CHD5: variants seen among roughly 807,000 people sequenced by gnomAD.
The protein encoded by CHD5 is chromodomain helicase DNA binding protein 5.
Under a neutral mutation model 230.3 loss-of-function variants are expected in CHD5, and 69 were observed. That is an observed-to-expected ratio of 0.30 (90% CI 0.25 to 0.37). The LOEUF is 0.37. Ranked by LOEUF, CHD5 falls within the 10% of genes least tolerant of loss-of-function variation. The pLI is 1.00. For missense variants in CHD5, 1,827 were observed against 2,622.8 expected, an observed-to-expected ratio of 0.70 and a Z score of 6.63; for synonymous variants, 1,064 against 1,065.9, an observed-to-expected ratio of 1.00 and a Z score of 0.03.
chr1:6,179,712 C>G (rs1229327367), intron 1 of CHD5, among the ~76,000 whole-genome samples: 1 of 145,270 alleles, frequency 6.9e-6, no homozygotes, highest in African/African-American at 2.5e-5. Flanking sequence ...GCCCGGGGGG[C>G]CCGGATCGCA....
intron 1 of CHD5, among the ~76,000 whole-genome samples, chr1:6,179,423 C>T (rs977888922): frequency 1.8e-4 from 28 of 152,312 alleles, no homozygotes; most frequent in African/African-American, 6.3e-4. Context: ...GCCGCCCCAT[C>T]CTGGGCGCTC....
chr1:6,122,580 T>A (rs960583624), intron 31 of CHD5, among the ~76,000 whole-genome samples: 1 of 152,132 alleles, frequency 6.6e-6, no homozygotes, highest in Non-Finnish European at 1.5e-5. Context: ...AGTCTAGTAG[T>A]TTCTCAAAAG....
At position 6,174,032 on chromosome 1, in the gene CHD5, C is replaced by G. The variant is rs574171870; in HGVS notation, c.80-5755G>C. On this transcript the variant is annotated intron_variant, in intron 1 of 41. Transcript: ENST00000262450. The stretch of plus-strand genomic sequence containing the variant: ...AGGCATTTACCCCAAGTGACTGGGG[C>G]CTGGGGGGAGTCACCCTGGGGGTGC... Among the ~76,000 whole-genome samples the G allele has an allele frequency of 9.9e-5, 15 of 151,958 alleles. No individual in the cohort carries two copies. In the East Asian group the frequency reaches 2.7e-3, roughly 27 times the overall value.
chr1:6,172,533 G>C (rs536392164), intron 1 of CHD5, among the ~76,000 whole-genome samples: 17 of 152,180 alleles, frequency 1.1e-4, no homozygotes, highest in Admixed American at 2.0e-4. Flanking sequence ...GGAAACTGAG[G>C]CTCAAAGGAC....
At chr1:6,178,714 A>C (rs1667462976) in intron 1 of CHD5, among the ~76,000 whole-genome samples, 1 of 152,078 alleles carries the variant, frequency 6.6e-6, no homozygotes, top group South Asian at 2.1e-4. Flanking sequence ...CTCCTGTAGG[A>C]GCTCAGTGAC....
At position 6,159,515 on chromosome 1, in the gene CHD5, C is replaced by A; in HGVS notation, c.208G>T (p.Gly70Trp). 1 of 1,595,744 alleles carries A rather than the reference C, an allele frequency of 6.3e-7. No individual in the cohort carries two copies. The highest frequency in any genetic ancestry group is 8.6e-7 in the Non-Finnish European group (1 of 1,169,028). ...TTCTCTGATAGCTCATCATTGCTCC[C>A]CTGGAAAAGAAGGGGGACAGTGAGG... ...KCKGKRKKKE[G>W]SNDELSENEE... The change falls in exon 3 of 42, where the codon GGG (glycine) becomes TGG (tryptophan). Residue 70 changes from glycine to tryptophan, a missense_variant and splice_region_variant. Around this residue, in one of 14 missense-constraint regions of CHD5, gnomAD observed 113 missense variants for 91.9 expected, o/e 1.23. Coordinates refer to ENST00000262450, the MANE Select transcript of CHD5 (RefSeq NM_015557.3).
chr1:6,113,446 A>G (rs977863488), intron 33 of CHD5: 1 of 301,810 alleles, frequency 3.3e-6, no homozygotes, highest in African/African-American at 2.2e-5. Flanking sequence ...CACACAGAAG[A>G]TGAGTTCCCA....
intron 15 of CHD5, 48 bp from the exon 16 acceptor site, chr1:6,136,913 G>C: frequency 1.3e-6 from 2 of 1,549,706 alleles, no homozygotes; most frequent in Non-Finnish European, 1.7e-6. Context: ...GAGCAGAGCG[G>C]ATCACAGTCC....
intron 38 of CHD5, among the ~76,000 whole-genome samples, chr1:6,107,437 T>C (rs1194856367): frequency 3.7e-5 from 4 of 106,788 alleles, no homozygotes; most frequent in African/African-American, 1.6e-4. Context: ...GATGGAGGAA[T>C]GAAGGGATGA....
At chr1:6,113,994 A>G (rs976754464) in intron 33 of CHD5, among the ~76,000 whole-genome samples, 3 of 152,204 alleles carry the variant, frequency 2.0e-5, no homozygotes, top group Non-Finnish European at 4.4e-5. Context: ...TCACGCCTGT[A>G]ATCCTAGCAC....
Position 6,136,561 on chromosome 1 carries a change from C to T in CHD5, c.2652G>A (p.Glu884=), listed in dbSNP as rs1253589056. The T allele has an allele frequency of 1.9e-6, 3 of 1,614,030 alleles. No homozygotes were observed. Among genetic ancestry groups the T allele is most frequent in the Non-Finnish European group, 2.5e-6 (3 of 1,180,052 alleles). Residue 884 remains glutamate, a synonymous_variant, in exon 17 of 42, where the codon GAG becomes GAA. Transcript: ENST00000262450. Reference sequence around the variant, plus strand: ...GGAAGTTGAGGAGATGGAACAGCTCCTCCAGGTTGTTCTGAAGGGGGGTCC... The same window carrying T: ...GGAAGTTGAGGAGATGGAACAGCTCTTCCAGGTTGTTCTGAAGGGGGGTCC... ...LTGTPLQNNL[E]ELFHLLNFLT... is the part of the protein sequence containing the mutation.
At chr1:6,107,057 G>A (rs1183591126) in intron 38 of CHD5, among the ~76,000 whole-genome samples, 1 of 143,566 alleles carries the variant, frequency 7.0e-6, no homozygotes, top group Admixed American at 6.8e-5. Context: ...GAGGAATGAT[G>A]GAGCGATGGA....
At chr1:6,107,153 AGATGGAGG>A (rs1222200805) in intron 38 of CHD5, among the ~76,000 whole-genome samples, 1 of 113,950 alleles carries the variant, frequency 8.8e-6, no homozygotes, top group African/African-American at 3.4e-5. Flanking sequence ...AATGGAGCGA[AGATGGAGG>A]GATGGAGGGA....
intron 15 of CHD5, among the ~76,000 whole-genome samples, chr1:6,141,289 A>AAAT (rs1236736880): frequency 2.0e-5 from 3 of 149,558 alleles, no homozygotes; most frequent in African/African-American, 7.3e-5. Flanking sequence ...CGTCTCAAAA[A>AAAT]AATAATAATA....
At chr1:6,161,313 G>A (rs562664174) in intron 2 of CHD5, among the ~76,000 whole-genome samples, 17 of 152,252 alleles carry the variant, frequency 1.1e-4, no homozygotes, top group East Asian at 7.8e-4. Flanking sequence ...CCAACAGTTC[G>A]TGGAGGGGGA....
Position 6,106,469 on chromosome 1 carries a change from C to T in CHD5, c.5783G>A (p.Gly1928Glu), listed in dbSNP as rs1392975056. The stretch of plus-strand genomic sequence containing the variant: ...CGGTCCAGGGCCCCGGAAGTTGGGC[C>T]CAAAGTTGTTGCTGTACATCTGGGA... ...GSSQMYSNNFGPNFRGPGPGG... is the reference protein window; with the variant it reads ...GSSQMYSNNFEPNFRGPGPGG... The change falls in exon 40 of 42, where the codon GGG (glycine) becomes GAG (glutamate). Residue 1928 changes from glycine to glutamate, a missense_variant. This residue lies in a region of CHD5 where 208 missense variants were observed against 302.0 expected (regional missense o/e 0.69). Transcript: ENST00000262450. The T allele has an allele frequency of 6.4e-7, 1 of 1,558,508 alleles. No individual in the cohort carries two copies. The highest frequency in any genetic ancestry group is 8.7e-7 in the Non-Finnish European group (1 of 1,151,588).
chr1:6,110,573 G>A (rs1666271536), intron 36 of CHD5, 47 bp from the exon 37 acceptor site: 8 of 1,598,258 alleles, frequency 5.0e-6, no homozygotes, highest in South Asian at 3.3e-5. Flanking sequence ...AGAAGTGGTG[G>A]GGCCGTAGGG....
intron 17 of CHD5, 31 bp downstream of exon 17, chr1:6,136,486 C>T: frequency 6.2e-7 from 1 of 1,608,970 alleles, no homozygotes; most frequent in Non-Finnish European, 8.5e-7. Flanking sequence ...AGCCCCACCA[C>T]CACCTCCCTA....
chr1:6,166,182 G>C (rs984870617), intron 2 of CHD5, among the ~76,000 whole-genome samples: 1 of 151,326 alleles, frequency 6.6e-6, no homozygotes, highest in Non-Finnish European at 1.5e-5. Context: ...GGTCTCTCTA[G>C]GGGAAGACAG....
Sources: gnomAD v4.1 joint callset for allele counts (sites outside exome capture counted in the v4.1 genomes callset) on GRCh38, gnomAD v4.1.1 for gene constraint, gnomAD v4.1.1 regional missense constraint, MANE v1.5 for transcripts, NCBI Gene and HGNC (gene_info 2026-07-23, HGNC 2026-07-21) for gene names.